The following GLMN variants were observed in gnomAD, a reference collection of about 807,000 sequenced individuals.
The protein encoded by GLMN is glomulin.
GLMN carries 75 observed loss-of-function variants against 87.8 expected under a neutral mutation model. The ratio of observed to expected loss-of-function variants is 0.85; its 90% CI spans 0.71 to 1.04. The LOEUF (loss-of-function observed/expected upper bound fraction) is 1.04. GLMN is among the 50% of genes least tolerant of loss of function. The pLI is 0.00. For synonymous variants in GLMN, 206 were observed against 221.6 expected (o/e 0.93, Z 0.63); for missense variants, 588 against 658.8 (o/e 0.89, Z 1.18).
intron 3 of GLMN, 46 bp downstream of exon 3, chr1:92,297,358 T>C (rs1479304992): frequency 6.2e-7 from 1 of 1,605,358 alleles, no homozygotes; most frequent in East Asian, 2.2e-5. Context: ...ATCATGTGAT[T>C]ATTCTCTTCC....
At chr1:92,365,042 T>A in the GLMN span, among the ~76,000 whole-genome samples, 281 of 152,352 alleles carry the variant, frequency 1.8e-3, no homozygotes, top group African/African-American at 6.4e-3. Flanking sequence ...TCAATAGGAC[T>A]TGACCTATGC....
intron 6 of GLMN, 46 bp downstream of exon 6, chr1:92,288,868 T>C: frequency 1.1e-6 from 1 of 905,740 alleles, no homozygotes; most frequent in Non-Finnish European, 1.9e-6. Flanking sequence ...AACTGAACTA[T>C]CAATTACTTA....
chr1:92,327,027 C>T, the GLMN span, among the ~76,000 whole-genome samples: 14 of 152,370 alleles, frequency 9.2e-5, no homozygotes, highest in South Asian at 8.3e-4. Flanking sequence ...TATGGTCTAT[C>T]TCGGAGACTG....
chr1:92,328,172 T>C, the GLMN span, among the ~76,000 whole-genome samples: 1 of 152,228 alleles, frequency 6.6e-6, no homozygotes, highest in African/African-American at 2.4e-5. Flanking sequence ...CAGGTGTTCT[T>C]TGAGCTTCTT....
the GLMN span, among the ~76,000 whole-genome samples, chr1:92,316,975 C>G: frequency 1.3e-5 from 2 of 152,000 alleles, no homozygotes; most frequent in East Asian, 1.9e-4. Flanking sequence ...GAGTTTAGTT[C>G]TTAGAAAAAT....
the GLMN span, among the ~76,000 whole-genome samples, chr1:92,306,805 A>C: frequency 6.6e-6 from 1 of 152,218 alleles, no homozygotes; most frequent in Non-Finnish European, 1.5e-5. Flanking sequence ...GTCCCTAAAA[A>C]AAATAAAATT....
At chr1:92,368,724 T>C in the GLMN span, among the ~76,000 whole-genome samples, 1 of 152,260 alleles carries the variant, frequency 6.6e-6, no homozygotes, top group Middle Eastern at 3.2e-3. Context: ...CCAGATGTTG[T>C]TTGATAGCTC....
the GLMN span, chr1:92,324,139 C>G: frequency 6.2e-7 from 1 of 1,614,086 alleles, no homozygotes; most frequent in African/African-American, 1.3e-5. Flanking sequence ...TAAAGAAGAA[C>G]TTGATGAAGA....
At chr1:92,333,218 A>G in the GLMN span, 8 of 569,600 alleles carry the variant, frequency 1.4e-5, no homozygotes, top group Middle Eastern at 4.8e-4. Flanking sequence ...AGAAGTTCAC[A>G]ACAGCCTAAC....
intron 6 of GLMN, 58 bp from the exon 7 acceptor site, chr1:92,286,650 G>A: frequency 1.2e-6 from 1 of 837,592 alleles, no homozygotes; most frequent in Non-Finnish European, 2.1e-6. Context: ...AAAATCCCTA[G>A]GTCTTCAAAT....
chr1:92,264,788 A>G (rs929241047), intron 13 of GLMN, 150 bp from the exon 14 acceptor site: 43 of 657,954 alleles, frequency 6.5e-5, no homozygotes, highest in African/African-American at 5.7e-4. Context: ...TCATCAACCA[A>G]TTACAAAGTC....
chr1:92,287,908 C>T (rs1382827174), intron 6 of GLMN, among the ~76,000 whole-genome samples: 1 of 151,610 alleles, frequency 6.6e-6, no homozygotes, highest in African/African-American at 2.4e-5. Flanking sequence ...AATTTAAGAT[C>T]TTTTAGTAGA....
upstream of GLMN, chr1:92,301,634 C>A: frequency 1.2e-6 from 1 of 815,840 alleles, no homozygotes; most frequent in South Asian, 2.0e-5. Flanking sequence ...AGTATAACAT[C>A]TTTAAATCTG....
At chr1:92,294,712 A>G (rs532329711) in intron 3 of GLMN, among the ~76,000 whole-genome samples, 1 of 152,058 alleles carries the variant, frequency 6.6e-6, no homozygotes, top group South Asian at 2.1e-4. Flanking sequence ...ATGGGGTCTC[A>G]CTGTTTCCCA....
chr1:92,249,999 CT>C (rs1014264186), intron 16 of GLMN, among the ~76,000 whole-genome samples: 38 of 147,720 alleles, frequency 2.6e-4, no homozygotes, highest in East Asian at 1.2e-3. Flanking sequence ...TGCCCCCCAA[CT>C]TTTTTTTTTT....
the GLMN span, among the ~76,000 whole-genome samples, chr1:92,346,373 A>G: frequency 1.3e-5 from 2 of 152,062 alleles, no homozygotes; most frequent in African/African-American, 4.8e-5. Context: ...TATATTGCCC[A>G]GGCTGGTCTT....
At chr1:92,333,294 A>G in the GLMN span, 2 of 930,658 alleles carry the variant, frequency 2.1e-6, no homozygotes, top group Non-Finnish European at 3.4e-6. Context: ...TGTGCCACAG[A>G]TACAAACTTT....
chr1:92,289,232 A>G (rs1341959862), intron 5 of GLMN, 81 bp from the exon 6 acceptor site: 2 of 811,382 alleles, frequency 2.5e-6, no homozygotes, highest in Non-Finnish European at 4.4e-6. Flanking sequence ...ATTATAAGAC[A>G]CTTCCTCCTC....
chr1:92,330,121 T>C, the GLMN span, among the ~76,000 whole-genome samples: 24 of 152,326 alleles, frequency 1.6e-4, no homozygotes, highest in African/African-American at 5.8e-4. Flanking sequence ...TTTCTTATTC[T>C]TCATTGGCAA....
Sources: gnomAD v4.1 joint callset for allele counts (sites outside exome capture counted in the v4.1 genomes callset) on GRCh38, gnomAD v4.1.1 for gene constraint, MANE v1.5 for transcripts, NCBI Gene and HGNC (gene_info 2026-07-23, HGNC 2026-07-21) for gene names.